RTTN: variants seen among roughly 807,000 people sequenced by gnomAD.
RTTN encodes the protein rotatin.
Under a neutral mutation model 269.2 loss-of-function variants are expected in RTTN, and 182 were observed. The ratio of observed to expected loss-of-function variants is 0.68; its 90% CI spans 0.60 to 0.76. The LOEUF (loss-of-function observed/expected upper bound fraction) is 0.76. Ranked by LOEUF, RTTN falls within the 30% of genes least tolerant of loss-of-function variation. The probability of loss-of-function intolerance (pLI) is 0.00; values close to 1 mark genes in which losing one functional copy is unlikely to be tolerated. For missense variants in RTTN, 2,545 were observed against 2,608.6 expected (o/e 0.98, Z 0.53); for synonymous variants, 1,006 against 963.5 (o/e 1.04, Z -0.82).
chr18:70,091,371 A>G (rs1174842656), intron 30 of RTTN, among the ~76,000 whole-genome samples: 1 of 152,044 alleles, frequency 6.6e-6, no homozygotes, highest in Admixed American at 6.5e-5. Context: ...AGGTTTAAAG[A>G]GATCATAAGG....
chr18:70,090,883 C>T (rs1455372867), intron 30 of RTTN, among the ~76,000 whole-genome samples: 2 of 152,214 alleles, frequency 1.3e-5, no homozygotes, highest in African/African-American at 2.4e-5. Context: ...GGCACACCAT[C>T]AAGCCAAAGA....
At chr18:70,129,422 A>G (rs1372794650) in intron 23 of RTTN, 1 of 152,218 alleles carries the variant, frequency 6.6e-6, no homozygotes, top group African/African-American at 2.4e-5. Flanking sequence ...TGATACTAGC[A>G]TAAAAACAGA....
At chr18:70,205,460 GAAGTTTACACA>G in intron 1 of RTTN, 145 bp from the exon 2 acceptor site, 1 of 1,361,172 alleles carries the variant, frequency 7.3e-7, no homozygotes, top group Non-Finnish European at 1.0e-6. Flanking sequence ...CGCGAACCGC[GAAGTTTACACA>G]AAGTCCGAGA....
In RTTN at chr18:70,015,282, CAA is replaced by C. The variant is rs1169486869; in HGVS notation, c.6421+2123_6421+2124del. On this transcript the variant is annotated intron_variant, in intron 46 of 48. Transcript: ENST00000640769. ...TTCACCATGTTGGCCAGACTGATCT[CAA>C]ACTCTTGACCTCAAATGATCCACCC... Among the ~76,000 whole-genome samples, 4 of 151,970 alleles carry C rather than the reference CAA, an allele frequency of 2.6e-5. No homozygotes were observed. The East Asian group carries it at 7.7e-4, about 29-fold the overall frequency.
At chr18:70,068,938 G>A (rs112156131) in intron 34 of RTTN, among the ~76,000 whole-genome samples, 7 of 151,322 alleles carry the variant, frequency 4.6e-5, no homozygotes, top group African/African-American at 1.7e-4. Context: ...GCTTTTTAGA[G>A]CAGGCTGATG....
At chr18:70,069,376 G>T (rs1485341671) in intron 34 of RTTN, among the ~76,000 whole-genome samples, 51 of 152,118 alleles carry the variant, frequency 3.4e-4, no homozygotes, top group Admixed American at 3.3e-3. Flanking sequence ...AAATAAAATG[G>T]ACTCAAATCT....
At chr18:70,089,871 A>T (rs1394028188) in intron 30 of RTTN, among the ~76,000 whole-genome samples, 1 of 152,222 alleles carries the variant, frequency 6.6e-6, no homozygotes, top group East Asian at 1.9e-4. Flanking sequence ...AGCAAAATGC[A>T]AAGGGAGAGA....
Position 70,073,984 on chromosome 18 carries a change from G to A in RTTN, c.4575C>T (p.Asp1525=). ...SESNDLNGLD[D]SFKFWRAPSR... is the part of the protein sequence containing the mutation. ...ATGGAGCCCTCCAAAACTTGAATGA[G>A]TCATCTAAACCTGCAACAACGAGAA... Residue 1525 remains aspartate (D), a synonymous_variant, in exon 34 of 49, where the codon GAC becomes GAT. Coordinates refer to ENST00000640769, the MANE Select transcript of RTTN (RefSeq NM_173630.4). 1 of 1,610,358 alleles carries A rather than the reference G, an allele frequency of 6.2e-7. No homozygotes were observed.
At chr18:70,013,327 C>T (rs938047134) in intron 46 of RTTN, among the ~76,000 whole-genome samples, 2 of 143,094 alleles carry the variant, frequency 1.4e-5, no homozygotes, top group Admixed American at 6.7e-5. Context: ...AAGTTTATAA[C>T]TCCTTCAACC....
intron 33 of RTTN, 129 bp from the exon 34 acceptor site, chr18:70,074,123 C>T: frequency 2.0e-6 from 1 of 505,774 alleles, no homozygotes; most frequent in Non-Finnish European, 3.5e-6. Flanking sequence ...GATCTGGCTT[C>T]TGAGATAGAC....
intron 25 of RTTN, among the ~76,000 whole-genome samples, chr18:70,126,320 T>C (rs530831572): frequency 8.1e-4 from 124 of 152,194 alleles, no homozygotes; most frequent in Admixed American, 1.8e-3. Context: ...AATAGGGACA[T>C]ATTACATTTA....
Position 70,135,072 on chromosome 18 carries a change from T to C in RTTN, c.2885+112A>G. ...AAATTCATACCACATATGTGTAGCA[T>C]GGACAGCATAAGCTTCGTAAATCAG... On this transcript the variant is annotated intron_variant, in intron 22 of 48. Coordinates refer to ENST00000640769, the MANE Select transcript of RTTN (RefSeq NM_173630.4). 1.0e-5 allele frequency: 6 copies of C among 595,648 alleles called. No homozygotes were observed. In the South Asian group the frequency reaches 1.3e-4, roughly 13 times the overall value. 36.9% of individuals were successfully genotyped at this position (595,648 alleles called of 1,614,324 possible).
chr18:70,155,875 G>C (rs143754730), intron 14 of RTTN, among the ~76,000 whole-genome samples: 1 of 152,062 alleles, frequency 6.6e-6, no homozygotes, highest in Non-Finnish European at 1.5e-5. Context: ...CATAAATTGT[G>C]AAGATTTCAT....
Position 70,166,145 on chromosome 18 carries a change from G to T in RTTN, c.1846C>A (p.Gln616Lys). The change falls in exon 14 of 49, where the codon CAG (glutamine) becomes AAG (lysine). Residue 616 changes from glutamine (Q) to lysine (K), a missense_variant. Physicochemically the swap from Gln to Lys is moderately conservative, Grantham distance 53. Transcript: ENST00000640769. ...QASPLLQGES[Q>K]KVLLHMLSHP... ...GACAACATATGGAGAAGCACCTTCTGACTTTCTCCTTGTAGTAATGGACTG... is the reference window on the plus strand; with the variant it reads ...GACAACATATGGAGAAGCACCTTCTTACTTTCTCCTTGTAGTAATGGACTG... 1 of 1,613,742 alleles carries T rather than the reference G, an allele frequency of 6.2e-7. No homozygotes were observed. Among genetic ancestry groups the T allele is most frequent in the Non-Finnish European group, 8.5e-7 (1 of 1,179,728 alleles).
At chr18:70,076,315 T>C (rs1434973248) in intron 32 of RTTN, among the ~76,000 whole-genome samples, 1 of 151,856 alleles carries the variant, frequency 6.6e-6, no homozygotes, top group East Asian at 1.9e-4. Flanking sequence ...AAACAGGCCA[T>C]AAGAGAGAGA....
At chr18:70,076,654 ACT>A (rs2058436192) in intron 32 of RTTN, among the ~76,000 whole-genome samples, 2 of 152,030 alleles carry the variant, frequency 1.3e-5, no homozygotes, top group African/African-American at 4.8e-5. Context: ...ATCTACCAAC[ACT>A]GTGAGCTTAC....
intron 28 of RTTN, among the ~76,000 whole-genome samples, chr18:70,108,740 G>A (rs946386468): frequency 2.0e-5 from 3 of 151,620 alleles, no homozygotes; most frequent in African/African-American, 7.3e-5. Flanking sequence ...GGAATATAAG[G>A]GAAAAATCAT....
At chr18:70,170,892 G>A (rs1240108619) in intron 11 of RTTN, among the ~76,000 whole-genome samples, 1 of 152,122 alleles carries the variant, frequency 6.6e-6, no homozygotes, top group Non-Finnish European at 1.5e-5. Flanking sequence ...ATCCACATAT[G>A]AGCAAAAGAA....
At chr18:70,020,440 C>T (rs1303577098) in intron 45 of RTTN, among the ~76,000 whole-genome samples, 175 bp downstream of exon 45, 1 of 152,152 alleles carries the variant, frequency 6.6e-6, no homozygotes, top group African/African-American at 2.4e-5. Flanking sequence ...TCCTTCTGCA[C>T]GTGTCATCTA....
Sources: allele counts gnomAD v4.1 joint callset (sites outside exome capture counted in the v4.1 genomes callset), GRCh38; gene constraint gnomAD v4.1.1; transcripts MANE v1.5; gene names NCBI Gene and HGNC (gene_info 2026-07-23, HGNC 2026-07-21).